Variants in SGPP2 observed in about 807,000 individuals in gnomAD.
SGPP2 encodes the protein sphingosine-1-phosphate phosphatase 2.
Under a neutral mutation model 33.9 loss-of-function variants are expected in SGPP2, and 30 were observed. The observed-to-expected ratio is 0.89, with a 90% CI of 0.66 to 1.20. The LOEUF (loss-of-function observed/expected upper bound fraction) is 1.20, where lower values mean the gene tolerates loss of function less well. SGPP2 is among the 50% of genes most tolerant of loss of function. The pLI, the probability that SGPP2 is intolerant of heterozygous loss-of-function variation, is 0.00. For synonymous variants in SGPP2, 233 were observed against 225.0 expected, an observed-to-expected ratio of 1.04 and a Z score of -0.32; for missense variants, 458 against 532.1, an observed-to-expected ratio of 0.86 and a Z score of 1.37.
intron 1 of SGPP2, among the ~76,000 whole-genome samples, chr2:222,463,795 A>G (rs774809109): frequency 5.3e-5 from 8 of 152,260 alleles, no homozygotes; most frequent in Non-Finnish European, 1.2e-4. Context: ...AAATCTTGGT[A>G]CATAAAAGAT....
chr2:222,477,193 A>G lies in SGPP2; in HGVS notation c.378+2467A>G, dbSNP rs1328061387. 2.0e-5 allele frequency among the ~76,000 whole-genome samples: 3 copies of G among 150,514 alleles called. No homozygotes were observed. The highest frequency in any genetic ancestry group is 6.6e-5 in the Admixed American group (1 of 15,128). Reference sequence around the variant, plus strand: ...TGTGTGTATATGTGTATGTGTGTATATATGTGTGTGCATAGGTGCATATAT... The same window carrying G: ...TGTGTGTATATGTGTATGTGTGTATGTATGTGTGTGCATAGGTGCATATAT... On this transcript the variant is annotated intron_variant, in intron 2 of 4. Transcript: ENST00000321276. The surrounding 1 kb of genome is among the most constrained non-coding windows in gnomAD (Gnocchi z 6.0).
At chr2:222,530,089 A>G (rs1283812600) in intron 4 of SGPP2, among the ~76,000 whole-genome samples, 3 of 152,212 alleles carry the variant, frequency 2.0e-5, no homozygotes, top group African/African-American at 7.2e-5. Flanking sequence ...GTAGGTCAAA[A>G]CAATGGGCTT....
chr2:222,547,091 A>G (rs941704288), intron 4 of SGPP2, among the ~76,000 whole-genome samples: 1 of 151,978 alleles, frequency 6.6e-6, no homozygotes, highest in Non-Finnish European at 1.5e-5. Context: ...CATCCCAGCA[A>G]ATATGGTGAC....
Position 222,558,531 on chromosome 2 carries a change from C to T in SGPP2, c.833C>T (p.Thr278Ile), listed in dbSNP as rs1192472260. 6.2e-7 allele frequency: 1 copy of T among 1,614,108 alleles called. No individual in the cohort carries two copies. The highest frequency in any genetic ancestry group is 8.5e-7 in the Non-Finnish European group (1 of 1,180,050). Residue 278 changes from threonine (T) to isoleucine (I), a missense_variant, in exon 5 of 5, where the codon ACC becomes ATC. Thr to Ile is a moderately conservative substitution (Grantham distance 89). Transcript: ENST00000321276. The part of the protein sequence containing the change: ...DYYSPTRADT[T>I]TILAAGAGVT... ...TACAGCCCAACCCGGGCGGACACCA[C>T]CACCATTCTGGCTGCCGGGGCTGGA...
rs1014007666 is a variant in SGPP2 at position 222,559,240 on chromosome 2, G to A, written c.*342G>A. On this transcript the variant is annotated 3_prime_UTR_variant, in exon 5 of 5. Coordinates refer to ENST00000321276, the MANE Select transcript of SGPP2 (RefSeq NM_152386.4). ...ATCTAGTCATGGGCTGGCAGGAATTGTGGCCTGGCTTAGGAATAGCTATGA... is the reference window on the plus strand; with the variant it reads ...ATCTAGTCATGGGCTGGCAGGAATTATGGCCTGGCTTAGGAATAGCTATGA... 1.6e-5 allele frequency: 4 copies of A among 253,490 alleles called. No individual in the cohort carries two copies. The highest frequency in any genetic ancestry group is 1.0e-4 in the Admixed American group (2 of 20,012). The allele number at this position is 253,490 out of a possible 1,614,324, so 15.7% of individuals were successfully genotyped here. A position where few individuals can be genotyped will look rare whatever the true frequency, so the allele number is the denominator to read the frequency against.
intron 4 of SGPP2, among the ~76,000 whole-genome samples, chr2:222,539,148 A>G (rs555896905): frequency 3.3e-4 from 50 of 152,332 alleles, no homozygotes; most frequent in Middle Eastern, 3.4e-3. Flanking sequence ...AATCAAAAAC[A>G]AGTTAGTTAC....
chr2:222,549,883 C>CTTTTTTTTTT (rs751034613), intron 4 of SGPP2, among the ~76,000 whole-genome samples: 1 of 137,652 alleles, frequency 7.3e-6, no homozygotes. Context: ...CTTTTCTTTT[C>CTTTTTTTTTT]TTTTTTTTTT....
intron 1 of SGPP2, chr2:222,452,893 G>T (rs1185836717): frequency 4.4e-6 from 7 of 1,602,538 alleles, no homozygotes; most frequent in African/African-American, 1.3e-5. Context: ...GTCTTCACCT[G>T]TTTGTAGCTA....
rs190308295 is a variant in SGPP2 at position 222,456,037 on chromosome 2, C to G, written c.220-18531C>G. On this transcript the variant is annotated intron_variant, in intron 1 of 4. Transcript: ENST00000321276. Reference sequence around the variant, plus strand: ...GAGGCTATGGTGAGCTATGACTGTGCCACTACACTCCAGTCTGGGCAATAG... The same window carrying G: ...GAGGCTATGGTGAGCTATGACTGTGGCACTACACTCCAGTCTGGGCAATAG... 3.3e-4 allele frequency among the ~76,000 whole-genome samples: 50 copies of G among 152,240 alleles called. 1 individual carries two copies. The highest frequency in any genetic ancestry group is 1.2e-3 in the African/African-American group (49 of 41,530).
At chr2:222,447,187 A>C (rs1469679118) in intron 1 of SGPP2, among the ~76,000 whole-genome samples, 1 of 152,222 alleles carries the variant, frequency 6.6e-6, no homozygotes, top group Non-Finnish European at 1.5e-5. Context: ...AAGGTGGAGT[A>C]GTGATGGCTG....
At chr2:222,520,898 C>T (rs1698676256) in intron 2 of SGPP2, among the ~76,000 whole-genome samples, 1 of 151,812 alleles carries the variant, frequency 6.6e-6, no homozygotes, top group Non-Finnish European at 1.5e-5. Flanking sequence ...TAGCTGGTAC[C>T]ACAGGCATAC....
intron 3 of SGPP2, 108 bp downstream of exon 3, chr2:222,522,054 A>C: frequency 2.0e-6 from 2 of 1,006,666 alleles, no homozygotes; most frequent in Non-Finnish European, 2.8e-6. Flanking sequence ...AGGTTTATGA[A>C]ATAAAGATTA....
chr2:222,542,112 T>A (rs1225613947), intron 4 of SGPP2, among the ~76,000 whole-genome samples: 1 of 152,242 alleles, frequency 6.6e-6, no homozygotes, highest in East Asian at 1.9e-4. Flanking sequence ...AGGTACCCGC[T>A]CCCCAAATCT....
intron 2 of SGPP2, among the ~76,000 whole-genome samples, chr2:222,492,615 G>A (rs567798314): frequency 6.6e-6 from 1 of 152,334 alleles, no homozygotes; most frequent in South Asian, 2.1e-4. Context: ...TCTCTGACAT[G>A]CTCTGGAGAC....
chr2:222,486,885 C>T (rs1698118936), intron 2 of SGPP2, among the ~76,000 whole-genome samples: 1 of 151,892 alleles, frequency 6.6e-6, no homozygotes, highest in Non-Finnish European at 1.5e-5. Context: ...TTTCATTTTT[C>T]ATTTTGTGGG....
chr2:222,440,264 A>G (rs896506280), intron 1 of SGPP2, among the ~76,000 whole-genome samples: 2 of 152,124 alleles, frequency 1.3e-5, no homozygotes, highest in African/African-American at 4.8e-5. Flanking sequence ...GAAGTGTTTG[A>G]GTGTCAGAAA....
chr2:222,486,392 C>T (rs1352004463), intron 2 of SGPP2, among the ~76,000 whole-genome samples: 5 of 152,068 alleles, frequency 3.3e-5, no homozygotes, highest in Non-Finnish European at 5.9e-5. Flanking sequence ...ATTCCGTCCT[C>T]TGTGAGGTGG....
chr2:222,467,403 G>A (rs550912826), intron 1 of SGPP2, among the ~76,000 whole-genome samples: 1 of 152,084 alleles, frequency 6.6e-6, no homozygotes, highest in East Asian at 1.9e-4. Flanking sequence ...CCATCAACAC[G>A]ATCTTGTTTC....
intron 1 of SGPP2, among the ~76,000 whole-genome samples, chr2:222,443,745 C>CA (rs947500625): frequency 1.2e-4 from 19 of 152,114 alleles, no homozygotes; most frequent in Admixed American, 5.9e-4. Context: ...TTCAGGGCCT[C>CA]ACATGGCCCC....
Sources: gnomAD v4.1 joint callset for allele counts (sites outside exome capture counted in the v4.1 genomes callset) on GRCh38, gnomAD v4.1.1 for gene constraint, Gnocchi (gnomAD v3.1) non-coding constraint, MANE v1.5 for transcripts, NCBI Gene and HGNC (gene_info 2026-07-23, HGNC 2026-07-21) for gene names.